SPOCK3: variants seen among roughly 807,000 people sequenced by gnomAD.
SPOCK3 encodes SPARC (osteonectin), cwcv and kazal like domains proteoglycan 3, also known as testican-3.
Under a neutral mutation model 56.6 loss-of-function variants are expected in SPOCK3, and 30 were observed. That is an observed-to-expected ratio of 0.53 (90% CI 0.40 to 0.72). SPOCK3 has a LOEUF of 0.72. Ranked by LOEUF, SPOCK3 falls within the 30% of genes least tolerant of loss-of-function variation. The pLI is 0.00. For missense variants in SPOCK3, 527 were observed against 530.0 expected (o/e 0.99, Z 0.06); for synonymous variants, 196 against 183.3 (o/e 1.07, Z -0.56).
intron 3 of SPOCK3, among the ~76,000 whole-genome samples, chr4:167,017,519 A>T (rs1407745134): frequency 6.6e-6 from 1 of 152,054 alleles, no homozygotes; most frequent in Non-Finnish European, 1.5e-5. Flanking sequence ...TGCAGTCTGT[A>T]CTCAGCAGGG....
At chr4:167,222,533 TAG>T (rs201989663) in intron 2 of SPOCK3, among the ~76,000 whole-genome samples, 287 of 146,006 alleles carry the variant, frequency 2.0e-3, no homozygotes, top group African/African-American at 6.5e-3. Context: ...ATGTATGTTA[TAG>T]ATTCATATAT....
At chr4:166,938,253 A>G (rs1198881829) in intron 4 of SPOCK3, among the ~76,000 whole-genome samples, 2 of 152,328 alleles carry the variant, frequency 1.3e-5, no homozygotes, top group African/African-American at 4.8e-5. Flanking sequence ...GAAGGCAGAG[A>G]AAAACTATGG....
intron 2 of SPOCK3, among the ~76,000 whole-genome samples, chr4:167,190,730 G>C (rs892172381): frequency 6.9e-6 from 1 of 145,066 alleles, no homozygotes; most frequent in Non-Finnish European, 1.5e-5. Flanking sequence ...GTTTTCTAGG[G>C]GTTTGACTGT....
At chr4:166,774,291 T>C (rs897493931) in intron 7 of SPOCK3, among the ~76,000 whole-genome samples, 1 of 152,164 alleles carries the variant, frequency 6.6e-6, no homozygotes, top group Non-Finnish European at 1.5e-5. Flanking sequence ...TCTTACCAAA[T>C]TGATAACTGT....
intron 3 of SPOCK3, among the ~76,000 whole-genome samples, chr4:167,014,570 A>G (rs910754246): frequency 6.6e-6 from 1 of 152,100 alleles, no homozygotes; most frequent in Admixed American, 6.6e-5. Context: ...CAGAAGGATT[A>G]CTTAAGTTCA....
chr4:166,852,152 T>TG (rs1182205335), intron 6 of SPOCK3, among the ~76,000 whole-genome samples: 1 of 149,820 alleles, frequency 6.7e-6, no homozygotes, highest in East Asian at 2.0e-4. Context: ...TGTTGTGGGT[T>TG]GTGGGGAGGG....
At chr4:166,933,606 T>C (rs948294356) in intron 4 of SPOCK3, among the ~76,000 whole-genome samples, 1 of 152,222 alleles carries the variant, frequency 6.6e-6, no homozygotes, top group Non-Finnish European at 1.5e-5. Context: ...GAATCTTCCA[T>C]GTCTGCTCAT....
At chr4:166,744,538 C>A (rs1015268804) in intron 8 of SPOCK3, among the ~76,000 whole-genome samples, 1 of 144,874 alleles carries the variant, frequency 6.9e-6, no homozygotes. Context: ...GAAACCAGAG[C>A]AGAAAAGCTG....
chr4:167,175,397 A>G (rs868642796), intron 2 of SPOCK3, among the ~76,000 whole-genome samples: 2 of 152,146 alleles, frequency 1.3e-5, no homozygotes, highest in South Asian at 2.1e-4. Context: ...CTGAGAATAT[A>G]GTCATTGCTC....
At chr4:166,902,153 A>G (rs1736116728) in intron 5 of SPOCK3, among the ~76,000 whole-genome samples, 1 of 152,026 alleles carries the variant, frequency 6.6e-6, no homozygotes, top group Admixed American at 6.6e-5. Context: ...AATTTTAAAA[A>G]TTTTCTTTCA....
chr4:166,735,186 G>A (rs1734102253), intron 10 of SPOCK3, 96 bp from the exon 11 acceptor site: 3 of 756,826 alleles, frequency 4.0e-6, no homozygotes, highest in East Asian at 6.2e-5. Context: ...ATATTTTTTA[G>A]AAAGTAATTT....
intron 4 of SPOCK3, among the ~76,000 whole-genome samples, chr4:166,930,147 T>C (rs1561021904): frequency 1.3e-5 from 2 of 151,988 alleles, no homozygotes. Flanking sequence ...ACTTTGTTTA[T>C]AAAAAAATGT....
chr4:166,969,386 CA>C (rs1442774823), intron 4 of SPOCK3, among the ~76,000 whole-genome samples: 2 of 152,082 alleles, frequency 1.3e-5, no homozygotes, highest in African/African-American at 4.8e-5. Flanking sequence ...ATTGTAGTTC[CA>C]AATGTTGAGA....
chr4:166,837,759 C>A (rs1348650546), intron 6 of SPOCK3, among the ~76,000 whole-genome samples: 1 of 151,984 alleles, frequency 6.6e-6, no homozygotes, highest in Non-Finnish European at 1.5e-5. Flanking sequence ...TTTTTTGTAC[C>A]ATGTCCTTTC....
intron 3 of SPOCK3, among the ~76,000 whole-genome samples, chr4:167,026,580 G>A (rs1477095950): frequency 3.3e-5 from 5 of 151,946 alleles, no homozygotes; most frequent in Non-Finnish European, 7.4e-5. Context: ...TCACTATATA[G>A]TAGTAATTGA....
intron 7 of SPOCK3, among the ~76,000 whole-genome samples, chr4:166,772,414 T>G (rs1739051211): frequency 6.6e-6 from 1 of 152,118 alleles, no homozygotes; most frequent in Non-Finnish European, 1.5e-5. Context: ...ATGAAAACTT[T>G]TCTTTCCCTA....
intron 9 of SPOCK3, among the ~76,000 whole-genome samples, chr4:166,738,526 A>T (rs370477491): frequency 6.7e-6 from 1 of 150,328 alleles, no homozygotes. Context: ...TGTGCAGGTT[A>T]GTTACATATG....
At chr4:166,953,473 T>G (rs1322146507) in intron 4 of SPOCK3, among the ~76,000 whole-genome samples, 2 of 151,354 alleles carry the variant, frequency 1.3e-5, no homozygotes, top group Non-Finnish European at 3.0e-5. Flanking sequence ...AGGAACACTT[T>G]TACACTGTTG....
chr4:166,948,926 C>A (rs890817750), intron 4 of SPOCK3, among the ~76,000 whole-genome samples: 2 of 152,100 alleles, frequency 1.3e-5, no homozygotes. Context: ...TGGATAATAT[C>A]CTGCAGAGTG....
Sources: gnomAD v4.1 joint callset for allele counts (sites outside exome capture counted in the v4.1 genomes callset) on GRCh38, gnomAD v4.1.1 for gene constraint, MANE v1.5 for transcripts, NCBI Gene and HGNC (gene_info 2026-07-23, HGNC 2026-07-21) for gene names.